Variants in RUNX1 observed in about 807,000 individuals in gnomAD.
The protein encoded by RUNX1 is RUNX family transcription factor 1.
RUNX1 carries 19 observed loss-of-function variants against 42.8 expected under a neutral mutation model. The ratio of observed to expected loss-of-function variants is 0.44; its 90% CI spans 0.31 to 0.65. RUNX1 has a LOEUF of 0.65. RUNX1 is among the 30% of genes least tolerant of loss of function. The pLI is 0.07. For missense variants in RUNX1, 528 were observed against 672.0 expected, an observed-to-expected ratio of 0.79 and a Z score of 2.37; for synonymous variants, 271 against 289.4, an observed-to-expected ratio of 0.94 and a Z score of 0.64.
intron 3 of RUNX1, among the ~76,000 whole-genome samples, chr21:34,889,040 A>C (rs2058041642): frequency 6.6e-6 from 1 of 151,184 alleles, no homozygotes; most frequent in African/African-American, 2.4e-5. Context: ...CTGGAAAAAG[A>C]AAGCAGGCCC....
Position 34,792,333 on chromosome 21 carries a change from C to T in RUNX1, c.1245G>A (p.Gln415=), listed in dbSNP as rs1376761452. The change falls in exon 9 of 9, where the codon CAG becomes CAA. Residue 415 remains glutamine (Q), a synonymous_variant. Coordinates refer to ENST00000675419, the MANE Select transcript of RUNX1 (RefSeq NM_001754.5). The surrounding 1 kb of genome is among the most constrained non-coding windows in gnomAD (Gnocchi z 6.9). Reference sequence around the variant, plus strand: ...AGCGCTCGCCGCCCACCATGGAGAACTGGTAGGAGCCGGCCGAGGCGCCGT... The same window carrying T: ...AGCGCTCGCCGCCCACCATGGAGAATTGGTAGGAGCCGGCCGAGGCGCCGT... ...LYYGASAGSY[Q]FSMVGGERSP... is the part of the protein sequence containing the mutation. The T allele has an allele frequency of 1.3e-6, 2 of 1,552,536 alleles. No individual in the cohort carries two copies. The highest frequency in any genetic ancestry group is 1.7e-6 in the Non-Finnish European group (2 of 1,148,618).
chr21:34,794,669 T>C (rs953290889), intron 8 of RUNX1, among the ~76,000 whole-genome samples: 6 of 152,220 alleles, frequency 3.9e-5, no homozygotes, highest in Non-Finnish European at 7.4e-5. Context: ...TTTTCTTACC[T>C]ACAGGCCGCC....
intron 3 of RUNX1, among the ~76,000 whole-genome samples, chr21:34,889,018 C>T (rs1160074482): frequency 2.6e-5 from 4 of 151,326 alleles, no homozygotes; most frequent in Non-Finnish European, 4.4e-5. Flanking sequence ...CGAGTGGCCA[C>T]GGTCCGGAGA....
At chr21:34,896,485 C>T (rs1243022065) in intron 2 of RUNX1, among the ~76,000 whole-genome samples, 1 of 152,172 alleles carries the variant, frequency 6.6e-6, no homozygotes, top group African/African-American at 2.4e-5. Context: ...GAGTTCGAGA[C>T]CAGCCTGACC....
At chr21:34,926,075 G>A (rs1279482085) in intron 2 of RUNX1, among the ~76,000 whole-genome samples, 1 of 151,818 alleles carries the variant, frequency 6.6e-6, no homozygotes, top group African/African-American at 2.4e-5. Flanking sequence ...GTAATATTTT[G>A]GGTAATTTTG....
chr21:34,922,122 G>C (rs894539543), intron 2 of RUNX1, among the ~76,000 whole-genome samples: 11 of 152,252 alleles, frequency 7.2e-5, no homozygotes, highest in African/African-American at 2.6e-4. Context: ...GCTGGATCTG[G>C]AGGATTCTGC....
Position 34,799,164 on chromosome 21 carries a change from G to A in RUNX1, c.967+137C>T. On this transcript the variant is annotated intron_variant, in intron 8 of 8. Coordinates refer to ENST00000675419, the MANE Select transcript of RUNX1 (RefSeq NM_001754.5). Reference sequence around the variant, plus strand: ...TCCAAGAAAATCAGTGCATGGGCATGGGACTCAGAGTAGAGATAGGTCACC... The same window carrying A: ...TCCAAGAAAATCAGTGCATGGGCATAGGACTCAGAGTAGAGATAGGTCACC... The A allele has an allele frequency of 6.7e-6, 6 of 894,204 alleles. No individual in the cohort carries two copies. The East Asian group carries it at 1.2e-4, about 19-fold the overall frequency. 55.4% of individuals were successfully genotyped at this position (894,204 alleles called of 1,614,324 possible). A position where few individuals can be genotyped will look rare whatever the true frequency, so the allele number is the denominator to read the frequency against.
intron 3 of RUNX1, chr21:34,889,620 GC>G: frequency 1.9e-6 from 2 of 1,064,042 alleles, no homozygotes; most frequent in Non-Finnish European, 2.3e-6. Context: ...CCCGGAAGCG[GC>G]CCCCGCTCCT....
At chr21:34,861,890 T>C (rs2057581732) in intron 5 of RUNX1, among the ~76,000 whole-genome samples, 4 of 152,152 alleles carry the variant, frequency 2.6e-5, no homozygotes. Flanking sequence ...GGTGTCATAC[T>C]GAATGCAGTT....
intron 2 of RUNX1, among the ~76,000 whole-genome samples, chr21:34,977,046 T>G (rs956320625): frequency 1.1e-4 from 16 of 152,260 alleles, no homozygotes; most frequent in African/African-American, 3.9e-4. Context: ...TCAATGGATA[T>G]TCTTTGGAGA....
intron 2 of RUNX1, among the ~76,000 whole-genome samples, chr21:34,997,604 C>T (rs2059006356): frequency 6.6e-6 from 1 of 152,208 alleles, no homozygotes; most frequent in African/African-American, 2.4e-5. Flanking sequence ...GATGATAGAA[C>T]TGTTGCTTAT....
intron 6 of RUNX1, among the ~76,000 whole-genome samples, chr21:34,845,480 C>G (rs2057302237): frequency 6.6e-6 from 1 of 152,206 alleles, no homozygotes; most frequent in African/African-American, 2.4e-5. Context: ...CCTGGTGAGA[C>G]CAGCCTCCCA....
At position 34,791,563 on chromosome 21, in the gene RUNX1, T is replaced by C. The variant is rs2056435027; in HGVS notation, c.*572A>G. On this transcript the variant is annotated 3_prime_UTR_variant, in exon 9 of 9. Transcript: ENST00000675419. Reference sequence around the variant, plus strand: ...GCAAGAAAGAAGCAAGCTCAATTTATATATATTTATATAAACGTATATAAA... The same window carrying C: ...GCAAGAAAGAAGCAAGCTCAATTTACATATATTTATATAAACGTATATAAA... 1 of 229,636 alleles carries C rather than the reference T, an allele frequency of 4.4e-6. No homozygotes were observed. Among genetic ancestry groups the C allele is most frequent in the Non-Finnish European group, 8.6e-6 (1 of 115,836 alleles). The allele number at this position is 229,636 out of a possible 1,614,324, so 14.2% of individuals were successfully genotyped here.
At chr21:35,026,392 C>T (rs1312344929) in intron 2 of RUNX1, among the ~76,000 whole-genome samples, 1 of 152,082 alleles carries the variant, frequency 6.6e-6, no homozygotes, top group African/African-American at 2.4e-5. Flanking sequence ...AGTTATTCAC[C>T]GCATAGAATC....
chr21:34,797,385 TAA>T (rs1194338531), intron 8 of RUNX1, among the ~76,000 whole-genome samples: 1 of 152,214 alleles, frequency 6.6e-6, no homozygotes, highest in African/African-American at 2.4e-5. Context: ...TCCTTTTATT[TAA>T]AAAGTCACCC....
chr21:34,938,114 A>G (rs1286761289), intron 2 of RUNX1, among the ~76,000 whole-genome samples: 5 of 152,218 alleles, frequency 3.3e-5, no homozygotes, highest in Admixed American at 2.0e-4. Flanking sequence ...CATGAGTTAC[A>G]TAATATCCAC....
chr21:34,889,554 C>T, intron 3 of RUNX1: 1 of 588,534 alleles, frequency 1.7e-6, no homozygotes, highest in Non-Finnish European at 2.2e-6. Context: ...CCTTGTAGCG[C>T]CGGCACCCGC....
At chr21:34,887,259 G>C (rs1014489781) in intron 3 of RUNX1, 163 bp from the exon 4 acceptor site, 1 of 1,316,208 alleles carries the variant, frequency 7.6e-7, no homozygotes, top group Non-Finnish European at 9.8e-7. Flanking sequence ...GGGCGGGGGT[G>C]GTTAGGGGAG....
At chr21:34,970,074 C>T (rs2058751712) in intron 2 of RUNX1, among the ~76,000 whole-genome samples, 2 of 152,198 alleles carry the variant, frequency 1.3e-5, no homozygotes, top group African/African-American at 2.4e-5. Flanking sequence ...ACTTTATGAA[C>T]ACACTTGTTA....
Sources: allele counts gnomAD v4.1 joint callset (sites outside exome capture counted in the v4.1 genomes callset), GRCh38; gene constraint gnomAD v4.1.1; non-coding constraint Gnocchi (gnomAD v3.1); transcripts MANE v1.5; gene names NCBI Gene and HGNC (gene_info 2026-07-23, HGNC 2026-07-21).